The following SOX5 variants were observed in gnomAD, a reference collection of about 807,000 sequenced individuals.
SOX5 encodes the protein SRY-box transcription factor 5, also known as transcription factor SOX-5.
Under a neutral mutation model 92.0 loss-of-function variants are expected in SOX5, and 9 were observed. The ratio of observed to expected loss-of-function variants is 0.10; its 90% CI spans 0.06 to 0.17. The LOEUF (loss-of-function observed/expected upper bound fraction) is 0.17. Among genes scored for constraint, SOX5 ranks in the 10% least tolerant of loss-of-function variants. The pLI is 1.00. For synonymous variants in SOX5, 344 were observed against 336.3 expected, an observed-to-expected ratio of 1.02 and a Z score of -0.25; for missense variants, 642 against 944.5, an observed-to-expected ratio of 0.68 and a Z score of 4.20.
Position 23,543,448 on chromosome 12 carries a change from T to G in SOX5, c.1598-64A>C, listed in dbSNP as rs1942503623. 3.1e-6 allele frequency: 4 copies of G among 1,280,068 alleles called. No individual in the cohort carries two copies. In the Admixed American group the frequency reaches 7.4e-5, roughly 24 times the overall value. The allele number at this position is 1,280,068 out of a possible 1,614,324, so 79.3% of individuals were successfully genotyped here. A position where few individuals can be genotyped will look rare whatever the true frequency, so the allele number is the denominator to read the frequency against. ...CTTTTGTCAGCTCTTTTCCTTGCAT[T>G]CCTATTTTTCAGTCTATTAAGATAT... On this transcript the variant is annotated intron_variant, in intron 12 of 14. Coordinates refer to ENST00000451604, the MANE Select transcript of SOX5 (RefSeq NM_006940.6).
At chr12:24,551,482 T>C (rs1327539894) in intron 1 of SOX5, among the ~76,000 whole-genome samples, 1 of 152,252 alleles carries the variant, frequency 6.6e-6, no homozygotes, top group African/African-American at 2.4e-5. Flanking sequence ...CTTTACAAGA[T>C]ATTTTTGTAT....
At chr12:24,012,655 G>T (rs770823986) in intron 4 of SOX5, among the ~76,000 whole-genome samples, 17 of 152,144 alleles carry the variant, frequency 1.1e-4, no homozygotes, top group African/African-American at 4.1e-4. Flanking sequence ...GCTAGATCTT[G>T]TCTGACAAAC....
chr12:23,922,350 T>C (rs1938549150), intron 1 of SOX5, among the ~76,000 whole-genome samples: 1 of 152,236 alleles, frequency 6.6e-6, no homozygotes, highest in African/African-American at 2.4e-5. Flanking sequence ...TTCACTATGA[T>C]TCTTCAAAAA....
intron 1 of SOX5, among the ~76,000 whole-genome samples, chr12:23,928,762 A>G (rs564067617): frequency 1.3e-5 from 2 of 151,822 alleles, no homozygotes; most frequent in Non-Finnish European, 2.9e-5. Context: ...TAATTTTGAC[A>G]ATTATCTTTA....
chr12:23,576,642 AAC>A (rs1479255059), intron 9 of SOX5, among the ~76,000 whole-genome samples: 2 of 152,262 alleles, frequency 1.3e-5, no homozygotes, highest in Non-Finnish European at 2.9e-5. Flanking sequence ...GACAGGTCAA[AAC>A]ACAGTTTATA....
intron 3 of SOX5, among the ~76,000 whole-genome samples, chr12:23,784,367 C>T (rs905412940): frequency 1.3e-5 from 2 of 152,078 alleles, no homozygotes; most frequent in East Asian, 1.9e-4. Flanking sequence ...CACTCTGTCA[C>T]CCAGGCTGGA....
chr12:23,869,304 A>C (rs946165118), intron 2 of SOX5, among the ~76,000 whole-genome samples: 1 of 152,174 alleles, frequency 6.6e-6, no homozygotes, highest in African/African-American at 2.4e-5. Context: ...TATATGCTAC[A>C]TAATTTTCAC....
chr12:23,685,071 A>G (rs1357552059), intron 6 of SOX5, among the ~76,000 whole-genome samples: 1 of 152,138 alleles, frequency 6.6e-6, no homozygotes, highest in African/African-American at 2.4e-5. Flanking sequence ...ACTTAGCATC[A>G]TGTCACACTT....
At chr12:23,555,970 G>A (rs551619401) in intron 11 of SOX5, among the ~76,000 whole-genome samples, 2 of 152,246 alleles carry the variant, frequency 1.3e-5, no homozygotes, top group South Asian at 2.1e-4. Flanking sequence ...TCAGCCTGTC[G>A]AGAATGTCGA....
chr12:24,319,828 T>G (rs1457820204), intron 2 of SOX5, among the ~76,000 whole-genome samples: 2 of 152,234 alleles, frequency 1.3e-5, no homozygotes, highest in Non-Finnish European at 2.9e-5. Flanking sequence ...ACATGCAATT[T>G]CATCCTTCTT....
chr12:23,583,666 C>T (rs990342473), intron 9 of SOX5, among the ~76,000 whole-genome samples: 1 of 152,072 alleles, frequency 6.6e-6, no homozygotes, highest in African/African-American at 2.4e-5. Flanking sequence ...AAGCATAGAG[C>T]AGTAAGAATT....
intron 2 of SOX5, among the ~76,000 whole-genome samples, chr12:23,849,377 T>C (rs1010532000): frequency 6.6e-6 from 1 of 152,216 alleles, no homozygotes; most frequent in Non-Finnish European, 1.5e-5. Flanking sequence ...TAAAGTGCTT[T>C]ACATGTATTA....
chr12:23,912,537 A>G (rs1362304829), intron 1 of SOX5, among the ~76,000 whole-genome samples: 2 of 152,224 alleles, frequency 1.3e-5, no homozygotes, highest in South Asian at 4.1e-4. Context: ...CTTGTACCCA[A>G]AGGTACATAA....
intron 4 of SOX5, among the ~76,000 whole-genome samples, chr12:24,202,090 T>C (rs1306985252): frequency 2.6e-5 from 4 of 152,230 alleles, no homozygotes; most frequent in African/African-American, 7.2e-5. Flanking sequence ...TCATTATTTC[T>C]ATGTTATTGG....
intron 4 of SOX5, among the ~76,000 whole-genome samples, chr12:24,140,001 G>A (rs1950432573): frequency 6.6e-6 from 1 of 152,142 alleles, no homozygotes; most frequent in East Asian, 1.9e-4. Flanking sequence ...CCACTTATCA[G>A]GGTTTGTTTG....
At chr12:24,018,324 C>T (rs1046042864) in intron 4 of SOX5, among the ~76,000 whole-genome samples, 1 of 152,084 alleles carries the variant, frequency 6.6e-6, no homozygotes, top group Admixed American at 6.6e-5. Context: ...ACGTATTTAT[C>T]CATAAACAGC....
chr12:24,131,679 C>T (rs1312658035), intron 4 of SOX5, among the ~76,000 whole-genome samples: 2 of 152,132 alleles, frequency 1.3e-5, no homozygotes. Flanking sequence ...TTTAGCTCTG[C>T]AGCTGCTGTT....
At chr12:24,377,188 A>C (rs1459271898) in intron 1 of SOX5, among the ~76,000 whole-genome samples, 1 of 152,190 alleles carries the variant, frequency 6.6e-6, no homozygotes, top group Non-Finnish European at 1.5e-5. Context: ...ATGGCTCCAC[A>C]ATCAAAAGTT....
intron 4 of SOX5, among the ~76,000 whole-genome samples, chr12:24,061,401 T>C (rs986766296): frequency 2.2e-4 from 34 of 151,146 alleles, no homozygotes; most frequent in African/African-American, 7.9e-4. Context: ...ATTATTGCCA[T>C]GTATCCACTT....
Sources: gnomAD v4.1 joint callset for allele counts (sites outside exome capture counted in the v4.1 genomes callset) on GRCh38, gnomAD v4.1.1 for gene constraint, MANE v1.5 for transcripts, NCBI Gene and HGNC (gene_info 2026-07-23, HGNC 2026-07-21) for gene names.